The following GLI2 variants were observed in gnomAD, a reference collection of about 807,000 sequenced individuals.
GLI2 encodes GLI family zinc finger 2.
In GLI2, 22 loss-of-function variants were observed where a neutral mutation model predicts 78.9. That is an observed-to-expected ratio of 0.28 (90% CI 0.20 to 0.40). The LOEUF is 0.40. Among genes scored for constraint, GLI2 ranks in the 10% least tolerant of loss-of-function variants. The pLI is 1.00. For synonymous variants in GLI2, 974 were observed against 963.7 expected, an observed-to-expected ratio of 1.01 and a Z score of -0.20; for missense variants, 2,097 against 2,213.2, an observed-to-expected ratio of 0.95 and a Z score of 1.05.
chr2:120,964,017 T>C (rs1397505454), intron 5 of GLI2, among the ~76,000 whole-genome samples: 2 of 152,172 alleles, frequency 1.3e-5, no homozygotes. Flanking sequence ...GCCACCTGTA[T>C]TCGAGTGTTG....
intron 1 of GLI2, among the ~76,000 whole-genome samples, chr2:120,775,399 T>C (rs1425081516): frequency 6.6e-6 from 1 of 152,230 alleles, no homozygotes; most frequent in Non-Finnish European, 1.5e-5. Context: ...CGTTCAGTGG[T>C]GTCCATCAGG....
At chr2:120,852,721 A>G (rs1358465473) in intron 2 of GLI2, among the ~76,000 whole-genome samples, 1 of 152,192 alleles carries the variant, frequency 6.6e-6, no homozygotes, top group South Asian at 2.1e-4. Context: ...TTGGCTTGCA[A>G]TACAAACATC....
At chr2:120,856,747 G>A (rs1687663053) in intron 2 of GLI2, among the ~76,000 whole-genome samples, 1 of 152,184 alleles carries the variant, frequency 6.6e-6, no homozygotes, top group Non-Finnish European at 1.5e-5. Flanking sequence ...GCTTTCCTGG[G>A]CTGCTCTGTT....
chr2:120,957,090 T>G (rs779608423), intron 5 of GLI2, among the ~76,000 whole-genome samples: 2 of 152,158 alleles, frequency 1.3e-5, no homozygotes, highest in African/African-American at 2.4e-5. Context: ...ATCTTGAACA[T>G]CTCCTGCTTC....
chr2:120,804,370 A>T (rs1187516025), intron 2 of GLI2, among the ~76,000 whole-genome samples: 3 of 152,068 alleles, frequency 2.0e-5, no homozygotes, highest in Admixed American at 6.5e-5. Context: ...TGCAGCAGAC[A>T]TCCCATAGGG....
chr2:120,769,888 G>GTGTGCA (rs1683475530), intron 1 of GLI2, among the ~76,000 whole-genome samples: 2 of 152,108 alleles, frequency 1.3e-5, no homozygotes, highest in Admixed American at 6.5e-5. Flanking sequence ...CTGTGTGTGT[G>GTGTGCA]TGTGCATGTG....
chr2:120,975,524 A>T (rs1682415954), intron 9 of GLI2, among the ~76,000 whole-genome samples: 2 of 152,144 alleles, frequency 1.3e-5, no homozygotes, highest in African/African-American at 4.8e-5. Flanking sequence ...ATAATAAGTG[A>T]AAGAAGCTTC....
At chr2:120,925,941 C>T (rs890590260) in intron 2 of GLI2, among the ~76,000 whole-genome samples, 6 of 151,948 alleles carry the variant, frequency 3.9e-5, no homozygotes, top group Non-Finnish European at 7.4e-5. Context: ...GGCGTGGTGT[C>T]GGGCACCTGT....
chr2:120,913,026 A>G (rs1992902), intron 2 of GLI2, among the ~76,000 whole-genome samples: 32,333 of 152,138 alleles, frequency 0.21, 5,474 homozygotes, highest in African/African-American at 0.46. Flanking sequence ...GGAGGGAAGA[A>G]AAATAACTGT....
At chr2:120,825,954 C>T (rs1399548085) in intron 2 of GLI2, among the ~76,000 whole-genome samples, 1 of 152,240 alleles carries the variant, frequency 6.6e-6, no homozygotes, top group Admixed American at 6.5e-5. Flanking sequence ...CCAGCTGTGG[C>T]CCAGCAGTGT....
chr2:120,763,958 C>T (rs1683294262), intron 1 of GLI2, among the ~76,000 whole-genome samples: 4 of 152,226 alleles, frequency 2.6e-5, no homozygotes, highest in Admixed American at 2.6e-4. Flanking sequence ...GCCAGTGTGT[C>T]CGGGGAGATA....
At chr2:120,808,017 G>C (rs925311229) in intron 2 of GLI2, among the ~76,000 whole-genome samples, 2 of 152,154 alleles carry the variant, frequency 1.3e-5, no homozygotes, top group Admixed American at 6.5e-5. Context: ...GTGGACCTCT[G>C]CTTTGTGTTT....
chr2:120,972,058 A>G lies in GLI2; in HGVS notation c.1177A>G (p.Thr393Ala), dbSNP rs889635986. 2.5e-6 allele frequency: 4 copies of G among 1,613,024 alleles called. No individual in the cohort carries two copies. The African/African-American group carries it at 4.0e-5, about 16-fold the overall frequency. Reference sequence around the variant, plus strand: ...GCGGCCGGCCTCCCCTCTGGCGCTGACGCAGGTAACCTGCTGCCAGCCGCA... The same window carrying G: ...GCGGCCGGCCTCCCCTCTGGCGCTGGCGCAGGTAACCTGCTGCCAGCCGCA... ...GLRPASPLAL[T>A]QEQLADLKED... The change falls in exon 8 of 14, where the codon ACG becomes GCG. Residue 393 changes from threonine (T) to alanine (A), a missense_variant. Thr to Ala is a moderately conservative substitution (Grantham distance 58). Coordinates refer to ENST00000361492, the MANE Select transcript of GLI2 (RefSeq NM_001374353.1).
intron 2 of GLI2, among the ~76,000 whole-genome samples, chr2:120,841,641 C>T (rs949172978): frequency 6.6e-6 from 1 of 152,222 alleles, no homozygotes; most frequent in Non-Finnish European, 1.5e-5. Flanking sequence ...CAGCACTGTC[C>T]TGGGCACTGT....
chr2:120,879,511 C>T (rs762922146), intron 2 of GLI2, among the ~76,000 whole-genome samples: 10 of 152,288 alleles, frequency 6.6e-5, no homozygotes, highest in African/African-American at 1.2e-4. Context: ...CTCACCCGTG[C>T]GTGGGGAGGC....
At chr2:120,904,828 G>A (rs368481349) in intron 2 of GLI2, among the ~76,000 whole-genome samples, 3 of 152,174 alleles carry the variant, frequency 2.0e-5, no homozygotes, top group East Asian at 3.9e-4. Flanking sequence ...GGTGAGGTGG[G>A]GGTGGATGAT....
chr2:120,801,311 G>A (rs1268818904), intron 2 of GLI2, among the ~76,000 whole-genome samples: 1 of 152,054 alleles, frequency 6.6e-6, no homozygotes, highest in Non-Finnish European at 1.5e-5. Flanking sequence ...GCTAATTTTT[G>A]TATTTTTAGT....
intron 1 of GLI2, among the ~76,000 whole-genome samples, chr2:120,794,168 A>G (rs1452035047): frequency 1.3e-5 from 2 of 152,144 alleles, no homozygotes; most frequent in Admixed American, 6.5e-5. Context: ...CAGGGCTGCA[A>G]TCATGGGCTA....
intron 2 of GLI2, among the ~76,000 whole-genome samples, chr2:120,852,318 C>T (rs912861313): frequency 6.6e-6 from 1 of 152,206 alleles, no homozygotes; most frequent in African/African-American, 2.4e-5. Flanking sequence ...TGCAGCGGGG[C>T]TCCTCCTGAG....
Sources: allele counts gnomAD v4.1 joint callset (sites outside exome capture counted in the v4.1 genomes callset), GRCh38; gene constraint gnomAD v4.1.1; transcripts MANE v1.5; gene names NCBI Gene and HGNC (gene_info 2026-07-23, HGNC 2026-07-21).